KCNIP4: variants seen among roughly 807,000 people sequenced by gnomAD.
KCNIP4 encodes the protein Kv channel-interacting protein 4.
KCNIP4 carries 12 observed loss-of-function variants against 34.0 expected under a neutral mutation model. The ratio of observed to expected loss-of-function variants is 0.35; its 90% confidence interval spans 0.23 to 0.57. The LOEUF (loss-of-function observed/expected upper bound fraction) is 0.57, where lower values mean the gene tolerates loss of function less well. Among genes scored for constraint, KCNIP4 ranks in the 20% least tolerant of loss-of-function variants. KCNIP4 has a pLI of 0.83. For synonymous variants in KCNIP4, 124 were observed against 102.2 expected, an observed-to-expected ratio of 1.21 and a Z score of -1.29; for missense variants, 238 against 311.7, an observed-to-expected ratio of 0.76 and a Z score of 1.78.
chr4:20,788,906 A>G (rs1712360373), intron 3 of KCNIP4, among the ~76,000 whole-genome samples: 1 of 152,102 alleles, frequency 6.6e-6, no homozygotes, highest in African/African-American at 2.4e-5. Flanking sequence ...TGGGCAAAAT[A>G]TTTTGCCTCT....
intron 2 of KCNIP4, among the ~76,000 whole-genome samples, chr4:20,856,207 C>G (rs930001846): frequency 2.6e-5 from 4 of 152,152 alleles, no homozygotes; most frequent in African/African-American, 7.2e-5. Context: ...ATGCAATAGA[C>G]CTCATGTAAA....
At chr4:21,063,343 G>A (rs1383741411) in intron 1 of KCNIP4, among the ~76,000 whole-genome samples, 2 of 152,138 alleles carry the variant, frequency 1.3e-5, no homozygotes, top group Non-Finnish European at 2.9e-5. Flanking sequence ...TTAAATTCTG[G>A]AATCAGTAAA....
intron 7 of KCNIP4, 113 bp downstream of exon 7, chr4:20,732,568 T>C: frequency 1.4e-6 from 1 of 715,942 alleles, no homozygotes. Context: ...TACTGTTTTG[T>C]TTCAGTAAAA....
At chr4:21,603,169 T>C (rs1000844914) in intron 1 of KCNIP4, among the ~76,000 whole-genome samples, 9 of 152,186 alleles carry the variant, frequency 5.9e-5, no homozygotes, top group Non-Finnish European at 1.0e-4. Context: ...AATAAACTTA[T>C]TTGAGCATTT....
At chr4:21,893,898 CCTTA>C in intron 1 of KCNIP4, among the ~76,000 whole-genome samples, 1 of 152,200 alleles carries the variant, frequency 6.6e-6, no homozygotes, top group East Asian at 1.9e-4. Context: ...TAAATGTTTC[CCTTA>C]CTTCCTGCTT....
chr4:20,855,679 G>A (rs753951280), intron 2 of KCNIP4, among the ~76,000 whole-genome samples: 4 of 151,436 alleles, frequency 2.6e-5, no homozygotes, highest in Non-Finnish European at 5.9e-5. Context: ...AAAAAAAATT[G>A]GTGATGAAAC....
intron 1 of KCNIP4, among the ~76,000 whole-genome samples, chr4:21,825,213 T>A (rs937742472): frequency 6.6e-6 from 1 of 151,836 alleles, no homozygotes; most frequent in Non-Finnish European, 1.5e-5. Context: ...CTGAGAGATG[T>A]GACCAATGCA....
chr4:20,936,017 G>GA (rs1002380510), intron 1 of KCNIP4, among the ~76,000 whole-genome samples: 4 of 151,240 alleles, frequency 2.6e-5, no homozygotes, highest in South Asian at 2.1e-4. Flanking sequence ...GGTTATACAT[G>GA]AAAAAACTGG....
chr4:21,519,191 C>T (rs192901650), intron 1 of KCNIP4, among the ~76,000 whole-genome samples: 49 of 151,998 alleles, frequency 3.2e-4, no homozygotes, highest in African/African-American at 1.1e-3. Flanking sequence ...CTCGTGAATG[C>T]GATTAATGCC....
intron 1 of KCNIP4, among the ~76,000 whole-genome samples, chr4:21,455,219 T>C (rs2109755439): frequency 6.6e-6 from 1 of 152,194 alleles, no homozygotes; most frequent in East Asian, 1.9e-4. Context: ...AATAACAAAT[T>C]GTGCTGTCCT....
intron 3 of KCNIP4, among the ~76,000 whole-genome samples, chr4:20,760,286 T>C (rs762902874): frequency 5.3e-5 from 8 of 152,150 alleles, no homozygotes; most frequent in Non-Finnish European, 8.8e-5. Flanking sequence ...GAAGGATGAA[T>C]GGTGTGCTAA....
intron 1 of KCNIP4, among the ~76,000 whole-genome samples, chr4:21,208,144 T>C (rs1219939355): frequency 6.6e-6 from 1 of 152,198 alleles, no homozygotes; most frequent in Non-Finnish European, 1.5e-5. Flanking sequence ...ACCTGGCCTA[T>C]ATTTACTTTC....
chr4:21,623,926 A>G (rs1745149148), intron 1 of KCNIP4, among the ~76,000 whole-genome samples: 1 of 152,170 alleles, frequency 6.6e-6, no homozygotes. Flanking sequence ...TGGAATTTGA[A>G]TAATAACCTT....
chr4:21,899,975 A>T lies in KCNIP4; in HGVS notation c.61+48596T>A, dbSNP rs567082192. On this transcript the variant is annotated intron_variant, in intron 1 of 8. Coordinates refer to ENST00000382152, the MANE Select transcript of KCNIP4 (RefSeq NM_025221.6). ...GCTATCCTGAATACAAATGAAAATT[A>T]AAAAAAAAACTGGAGGAATCACATT... Among the ~76,000 whole-genome samples, 13 of 109,214 alleles carry T rather than the reference A, an allele frequency of 1.2e-4. No individual in the cohort carries two copies. The East Asian group carries it at 1.7e-3, about 15-fold the overall frequency. 71.6% of individuals were successfully genotyped at this position (109,214 alleles called of 152,430 possible).
At chr4:21,097,206 G>A (rs1747538179) in intron 1 of KCNIP4, among the ~76,000 whole-genome samples, 1 of 152,038 alleles carries the variant, frequency 6.6e-6, no homozygotes, top group Non-Finnish European at 1.5e-5. Flanking sequence ...ATGTCCATCA[G>A]TGAGTGAATG....
At chr4:20,803,757 A>AAGGAAGGAAGGAAGGAAGGAAGGAAG (rs1560477351) in intron 3 of KCNIP4, among the ~76,000 whole-genome samples, 3 of 124,558 alleles carry the variant, frequency 2.4e-5, no homozygotes, top group East Asian at 3.0e-4. Flanking sequence ...AAGGAAGGAA[A>AAGGAAGGAAGGAAGGAAGGAAGGAAG]GAAGGAAGGA....
intron 1 of KCNIP4, among the ~76,000 whole-genome samples, chr4:21,791,312 G>A (rs1720268989): frequency 6.6e-6 from 1 of 152,076 alleles, no homozygotes; most frequent in Non-Finnish European, 1.5e-5. Context: ...TTATATCTGA[G>A]TCACCTCCCA....
At chr4:21,578,164 T>C (rs560435361) in intron 1 of KCNIP4, among the ~76,000 whole-genome samples, 81 of 151,874 alleles carry the variant, frequency 5.3e-4, no homozygotes, top group Non-Finnish European at 8.2e-4. Flanking sequence ...TGAAACCCTG[T>C]CTCTACTAAA....
chr4:21,519,453 T>C (rs558549879), intron 1 of KCNIP4, among the ~76,000 whole-genome samples: 3 of 98,264 alleles, frequency 3.1e-5, no homozygotes, highest in African/African-American at 4.5e-5. Flanking sequence ...TATGTGTATA[T>C]ACACATATGT....
Sources: gnomAD v4.1 joint callset for allele counts (sites outside exome capture counted in the v4.1 genomes callset) on GRCh38, gnomAD v4.1.1 for gene constraint, MANE v1.5 for transcripts, NCBI Gene and HGNC (gene_info 2026-07-23, HGNC 2026-07-21) for gene names.